NKAIN2: variants seen among roughly 807,000 people sequenced by gnomAD.
NKAIN2 encodes sodium/potassium-transporting ATPase subunit beta-1-interacting protein 2.
NKAIN2 carries 14 observed loss-of-function variants against 32.6 expected under a neutral mutation model. The ratio of observed to expected loss-of-function variants is 0.43; its 90% CI spans 0.28 to 0.67. The LOEUF (loss-of-function observed/expected upper bound fraction) is 0.67. NKAIN2 is among the 30% of genes least tolerant of loss of function. The pLI is 0.17. For missense variants in NKAIN2, 198 were observed against 258.3 expected (o/e 0.77, Z 1.60); for synonymous variants, 80 against 87.2 (o/e 0.92, Z 0.46).
chr6:124,613,442 TA>T (rs1562284336), intron 3 of NKAIN2, among the ~76,000 whole-genome samples: 1 of 152,184 alleles, frequency 6.6e-6, no homozygotes, highest in South Asian at 2.1e-4. Context: ...GGAGAATCAA[TA>T]TGGGTTTCTG....
At chr6:124,363,055 G>A (rs1799360913) in intron 3 of NKAIN2, among the ~76,000 whole-genome samples, 2 of 152,042 alleles carry the variant, frequency 1.3e-5, no homozygotes, top group Admixed American at 6.6e-5. Context: ...GGCTGGTCTG[G>A]AACTCCTGAC....
At chr6:124,466,087 CACA>C (rs78678539) in intron 3 of NKAIN2, among the ~76,000 whole-genome samples, 6,859 of 152,168 alleles carry the variant, frequency 0.045, 260 homozygotes, top group Non-Finnish European at 0.065. Flanking sequence ...ATGTTTTACA[CACA>C]ACGTTTGGCT....
intron 1 of NKAIN2, among the ~76,000 whole-genome samples, chr6:124,237,877 C>A (rs1436925681): frequency 1.3e-5 from 2 of 152,004 alleles, no homozygotes; most frequent in African/African-American, 2.4e-5. Context: ...AGCAGTTACA[C>A]TGAGGAGAAA....
chr6:123,903,904 TA>T (rs1354541069), intron 1 of NKAIN2, among the ~76,000 whole-genome samples: 1 of 145,636 alleles, frequency 6.9e-6, no homozygotes, highest in East Asian at 2.0e-4. Context: ...TCCAGTCTAT[TA>T]TACGCATTTT....
At chr6:124,806,514 G>T (rs1450178145) in intron 5 of NKAIN2, among the ~76,000 whole-genome samples, 1 of 151,930 alleles carries the variant, frequency 6.6e-6, no homozygotes, top group African/African-American at 2.4e-5. Context: ...GGCACAACCG[G>T]TACCAGCCAC....
At chr6:124,478,756 T>C (rs2114694049) in intron 3 of NKAIN2, among the ~76,000 whole-genome samples, 1 of 152,302 alleles carries the variant, frequency 6.6e-6, no homozygotes, top group African/African-American at 2.4e-5. Flanking sequence ...AAATAATTGA[T>C]GTAGATATTC....
intron 2 of NKAIN2, among the ~76,000 whole-genome samples, chr6:124,351,942 A>C (rs1384727689): frequency 1.3e-5 from 2 of 152,238 alleles, no homozygotes; most frequent in Admixed American, 1.3e-4. Context: ...TATTTTAACA[A>C]GAAGAGATGA....
intron 4 of NKAIN2, among the ~76,000 whole-genome samples, chr6:124,769,672 T>C (rs1778665004): frequency 6.6e-6 from 1 of 152,202 alleles, no homozygotes; most frequent in South Asian, 2.1e-4. Context: ...TTACTTATTG[T>C]TCTAGTAGAG....
At chr6:124,326,134 A>T (rs1222935395) in intron 2 of NKAIN2, among the ~76,000 whole-genome samples, 1 of 144,926 alleles carries the variant, frequency 6.9e-6, no homozygotes. Context: ...ATAAATTTTA[A>T]TTCCTTCTGA....
At position 123,911,810 on chromosome 6, in the gene NKAIN2, TATAC is replaced by T. The variant is rs1164656826; in HGVS notation, c.54+107558_54+107561del. ...ATATATATATATATATGTATATATATATACACACACACACACACACACACACACA... is the reference window on the plus strand; with the variant it reads ...ATATATATATATATATGTATATATATACACACACACACACACACACACACA... On this transcript the variant is annotated intron_variant, in intron 1 of 6. Coordinates refer to ENST00000368417, the MANE Select transcript of NKAIN2 (RefSeq NM_001040214.3). Among the ~76,000 whole-genome samples, 127 of 94,296 alleles carry T rather than the reference TATAC, an allele frequency of 1.3e-3. 6 individuals carry two copies. The highest frequency in any genetic ancestry group is 4.7e-3 in the Middle Eastern group (1 of 214). The allele number at this position is 94,296 out of a possible 152,430, so 61.9% of individuals were successfully genotyped here. A position where few individuals can be genotyped will look rare whatever the true frequency, so the allele number is the denominator to read the frequency against.
intron 3 of NKAIN2, among the ~76,000 whole-genome samples, chr6:124,492,133 A>G (rs559257718): frequency 6.6e-6 from 1 of 151,930 alleles, no homozygotes. Context: ...TATAGCTCAC[A>G]GAATATTTTA....
At chr6:124,582,997 G>T (rs1427081632) in intron 3 of NKAIN2, among the ~76,000 whole-genome samples, 2 of 151,768 alleles carry the variant, frequency 1.3e-5, no homozygotes, top group African/African-American at 4.8e-5. Context: ...TATACAAAAG[G>T]CTCACAGCTA....
intron 1 of NKAIN2, among the ~76,000 whole-genome samples, chr6:124,180,356 G>C (rs1789382249): frequency 6.6e-6 from 1 of 152,142 alleles, no homozygotes; most frequent in Admixed American, 6.6e-5. Context: ...AAGAGAGTGT[G>C]TGTAGGGGAA....
At chr6:124,735,613 C>T (rs1352218484) in intron 4 of NKAIN2, among the ~76,000 whole-genome samples, 1 of 151,942 alleles carries the variant, frequency 6.6e-6, no homozygotes, top group Non-Finnish European at 1.5e-5. Context: ...GCAAGGCTAT[C>T]AACACAATTT....
intron 1 of NKAIN2, among the ~76,000 whole-genome samples, chr6:123,885,645 G>A (rs184178274): frequency 2.9e-4 from 44 of 152,044 alleles, no homozygotes; most frequent in African/African-American, 4.3e-4. Flanking sequence ...TGTGTTTTCC[G>A]TGATGCAAGA....
chr6:124,293,234 C>A (rs1583003046), intron 2 of NKAIN2, among the ~76,000 whole-genome samples: 1 of 151,900 alleles, frequency 6.6e-6, no homozygotes, highest in Non-Finnish European at 1.5e-5. Context: ...TTTTTGGATG[C>A]ATTGAATTAG....
intron 1 of NKAIN2, among the ~76,000 whole-genome samples, chr6:123,836,272 A>G (rs116774379): frequency 0.012 from 1,785 of 152,158 alleles, 36 homozygotes; most frequent in African/African-American, 0.04. Flanking sequence ...TCCAAAAGGT[A>G]ATATATGAAA....
intron 1 of NKAIN2, among the ~76,000 whole-genome samples, chr6:124,257,569 A>C (rs1421922023): frequency 6.6e-6 from 1 of 152,140 alleles, no homozygotes; most frequent in Non-Finnish European, 1.5e-5. Flanking sequence ...AGCCCATTTG[A>C]AATACAACAT....
At chr6:124,706,104 A>G (rs1286235558) in intron 4 of NKAIN2, among the ~76,000 whole-genome samples, 4 of 152,086 alleles carry the variant, frequency 2.6e-5, no homozygotes, top group South Asian at 2.1e-4. Context: ...CAAGAACCAC[A>G]TTTGGTTTTT....
Sources: gnomAD v4.1 joint callset for allele counts (sites outside exome capture counted in the v4.1 genomes callset) on GRCh38, gnomAD v4.1.1 for gene constraint, MANE v1.5 for transcripts, NCBI Gene and HGNC (gene_info 2026-07-23, HGNC 2026-07-21) for gene names.